Variants in CSGALNACT1 observed in about 807,000 individuals in gnomAD.
CSGALNACT1 encodes the protein chondroitin sulfate N-acetylgalactosaminyltransferase 1.
Under a neutral mutation model 51.0 loss-of-function variants are expected in CSGALNACT1, and 52 were observed. That is an observed-to-expected ratio of 1.02 (90% CI 0.82 to 1.29). The LOEUF is 1.29. Ranked by LOEUF, CSGALNACT1 falls within the 50% of genes most tolerant of loss-of-function variation. The pLI, the probability that CSGALNACT1 is intolerant of heterozygous loss-of-function variation, is 0.00. For synonymous variants in CSGALNACT1, 341 were observed against 254.4 expected (o/e 1.34, Z -3.24); for missense variants, 935 against 679.2 (o/e 1.38, Z -4.19).
chr8:19,448,585 C>T (rs1586241638), intron 5 of CSGALNACT1, among the ~76,000 whole-genome samples: 1 of 151,990 alleles, frequency 6.6e-6, no homozygotes, highest in South Asian at 2.1e-4. Context: ...GAGGAGAGCA[C>T]GGTTATTTCC....
chr8:19,528,763 C>T (rs908011329), intron 3 of CSGALNACT1, among the ~76,000 whole-genome samples: 1 of 152,158 alleles, frequency 6.6e-6, no homozygotes, highest in Admixed American at 6.5e-5. Flanking sequence ...AAATAATAAA[C>T]CCAGCGTGTC....
chr8:19,534,881 T>C (rs569279916), intron 3 of CSGALNACT1, among the ~76,000 whole-genome samples: 1 of 152,352 alleles, frequency 6.6e-6, no homozygotes, highest in South Asian at 2.1e-4. Flanking sequence ...GCCTTGGTGA[T>C]TATAACCATA....
chr8:19,641,155 T>A (rs1301715937), intron 1 of CSGALNACT1, among the ~76,000 whole-genome samples: 7 of 104,964 alleles, frequency 6.7e-5, no homozygotes, highest in East Asian at 5.1e-4. Context: ...TTTTTTTTTT[T>A]AAACCAACCC....
At chr8:19,608,126 G>C (rs1564247561) in intron 1 of CSGALNACT1, among the ~76,000 whole-genome samples, 1 of 152,118 alleles carries the variant, frequency 6.6e-6, no homozygotes. Flanking sequence ...CCTTTCCATC[G>C]CATAGCTGGC....
rs1222802329 is a variant in CSGALNACT1, at chr8:19,527,118, G to A, written c.-296-20988C>T. Reference sequence around the variant, plus strand: ...CAGCATTCTTGACCTTAAGGAGTTTGAAGTACACTGGCAGTAACAGATCCA... The same window carrying A: ...CAGCATTCTTGACCTTAAGGAGTTTAAAGTACACTGGCAGTAACAGATCCA... On this transcript the variant is annotated intron_variant, in intron 3 of 9. Transcript: ENST00000454498. Among the ~76,000 whole-genome samples the A allele has an allele frequency of 3.9e-5, 6 of 152,182 alleles. No individual in the cohort carries two copies. In the East Asian group the frequency reaches 5.8e-4, roughly 15 times the overall value.
chr8:19,683,018 T>C (rs1165353560), upstream of CSGALNACT1: 2 of 271,394 alleles, frequency 7.4e-6, no homozygotes, highest in Non-Finnish European at 1.5e-5. Flanking sequence ...CAGCATCCCT[T>C]TAAATGACCC....
At chr8:19,754,419 A>G (rs1158262334) in intron 1 of CSGALNACT1, among the ~76,000 whole-genome samples, 1 of 152,240 alleles carries the variant, frequency 6.6e-6, no homozygotes, top group Non-Finnish European at 1.5e-5. Flanking sequence ...TTTAGGAAAT[A>G]AAACCATTTT....
chr8:19,506,104 G>T (rs1306223492), exon 4 of CSGALNACT1: 1 of 637,920 alleles, frequency 1.6e-6, no homozygotes, highest in Admixed American at 2.1e-5. Flanking sequence ...CAGCCTTCCT[G>T]ATGTGCAGCC....
chr8:19,736,054 A>G (rs910601264), intron 1 of CSGALNACT1, among the ~76,000 whole-genome samples: 8 of 152,208 alleles, frequency 5.3e-5, no homozygotes, highest in Admixed American at 3.9e-4. Context: ...TTTAAGGCAA[A>G]AAAATGCTTC....
chr8:19,553,620 C>CATATATATATATAT (rs769189103), intron 3 of CSGALNACT1, among the ~76,000 whole-genome samples: 9 of 71,580 alleles, frequency 1.3e-4, no homozygotes, highest in African/African-American at 8.3e-4. Flanking sequence ...TATATAAATA[C>CATATATATATATAT]ATATATATAT....
chr8:19,523,957 G>A (rs1007524410), intron 3 of CSGALNACT1, among the ~76,000 whole-genome samples: 1 of 152,140 alleles, frequency 6.6e-6, no homozygotes, highest in African/African-American at 2.4e-5. Context: ...GTTAGGTAGA[G>A]ATGGAAAAAC....
chr8:19,558,162 C>G (rs2039889286), intron 3 of CSGALNACT1, among the ~76,000 whole-genome samples: 1 of 152,158 alleles, frequency 6.6e-6, no homozygotes, highest in African/African-American at 2.4e-5. Context: ...GTGAAGCTAC[C>G]ATTTGATGAA....
intron 1 of CSGALNACT1, among the ~76,000 whole-genome samples, chr8:19,654,707 C>T (rs904558638): frequency 8.6e-5 from 13 of 151,908 alleles, no homozygotes; most frequent in African/African-American, 3.1e-4. Context: ...ACACGCCCAG[C>T]TAATTTTTTG....
intron 1 of CSGALNACT1, among the ~76,000 whole-genome samples, chr8:19,616,229 G>T (rs987272415): frequency 1.3e-5 from 2 of 152,078 alleles, no homozygotes; most frequent in Admixed American, 6.6e-5. Flanking sequence ...GTTAAATTAG[G>T]GAAGATCTTT....
intron 6 of CSGALNACT1, among the ~76,000 whole-genome samples, chr8:19,426,498 T>TTATTA (rs1482475942): frequency 6.6e-6 from 1 of 152,234 alleles, no homozygotes; most frequent in Non-Finnish European, 1.5e-5. Context: ...AAATGTGCAT[T>TTATTA]TATTACGGTA....
intron 1 of CSGALNACT1, among the ~76,000 whole-genome samples, chr8:19,756,839 C>A (rs991091024): frequency 1.3e-5 from 2 of 152,088 alleles, no homozygotes; most frequent in Non-Finnish European, 2.9e-5. Flanking sequence ...AATCAGACAG[C>A]GGAAGGCCAC....
At position 19,652,765 on chromosome 8, in the gene CSGALNACT1, G is replaced by A. The variant is rs1393754642; in HGVS notation, c.-544+29708C>T. 6.6e-5 allele frequency among the ~76,000 whole-genome samples: 10 copies of A among 152,150 alleles called. No homozygotes were observed. The South Asian group carries it at 1.7e-3, about 25-fold the overall frequency. ...TTGACCCCACCACTCTTCAGTAATC[G>A]TCTTTGCCAAAATCAATAGATATTT... On this transcript the variant is annotated intron_variant, in intron 1 of 9. Transcript: ENST00000332246.
chr8:19,436,252 T>A (rs918700524), intron 6 of CSGALNACT1, among the ~76,000 whole-genome samples: 4 of 152,214 alleles, frequency 2.6e-5, no homozygotes, highest in Non-Finnish European at 4.4e-5. Context: ...TTTCATTTAG[T>A]GTGACTATAA....
At chr8:19,514,183 G>C (rs369435125) in intron 3 of CSGALNACT1, among the ~76,000 whole-genome samples, 30 of 152,164 alleles carry the variant, frequency 2.0e-4, no homozygotes, top group African/African-American at 7.0e-4. Flanking sequence ...CCAGCGAGAG[G>C]ACAGGGGTCC....
Sources: allele counts gnomAD v4.1 joint callset (sites outside exome capture counted in the v4.1 genomes callset), GRCh38; gene constraint gnomAD v4.1.1; transcripts MANE v1.5; gene names NCBI Gene and HGNC (gene_info 2026-07-23, HGNC 2026-07-21).